Variants in CYP2C8 observed in about 807,000 individuals in gnomAD.
CYP2C8 encodes cytochrome P450 family 2 subfamily C member 8, also known as cytochrome P450 2C8.
Under a neutral mutation model 41.3 loss-of-function variants are expected in CYP2C8, and 51 were observed. The observed-to-expected ratio is 1.24, with a 90% confidence interval of 0.99 to 1.56. CYP2C8 has a LOEUF of 1.56. Ranked by LOEUF, CYP2C8 falls within the 40% of genes most tolerant of loss-of-function variation. The pLI is 0.00. For missense variants in CYP2C8, 651 were observed against 579.9 expected (o/e 1.12, Z -1.26); for synonymous variants, 218 against 205.8 (o/e 1.06, Z -0.51).
chr10:95,060,138 G>A (rs1199290649), intron 4 of CYP2C8, among the ~76,000 whole-genome samples: 8 of 151,590 alleles, frequency 5.3e-5, no homozygotes, highest in African/African-American at 1.5e-4. Context: ...CTCTTTTTTG[G>A]TTCCATATGA....
At chr10:95,049,114 G>C (rs191460090) in intron 5 of CYP2C8, among the ~76,000 whole-genome samples, 211 of 152,066 alleles carry the variant, frequency 1.4e-3, no homozygotes, top group Non-Finnish European at 2.4e-3. Context: ...ACTCAAAACA[G>C]CAAGAAAAAA....
intron 4 of CYP2C8, among the ~76,000 whole-genome samples, chr10:95,059,303 C>G (rs1270994705): frequency 6.6e-6 from 1 of 152,172 alleles, no homozygotes; most frequent in East Asian, 1.9e-4. Flanking sequence ...TCTCCAGAAC[C>G]TGTTGTTTCC....
chr10:95,066,638 A>G (rs1423955133), intron 3 of CYP2C8, among the ~76,000 whole-genome samples: 1 of 152,212 alleles, frequency 6.6e-6, no homozygotes, highest in Non-Finnish European at 1.5e-5. Flanking sequence ...TGAAAACTGT[A>G]CTGAGATATA....
At chr10:95,052,051 G>T (rs1423248944) in intron 5 of CYP2C8, among the ~76,000 whole-genome samples, 1 of 151,974 alleles carries the variant, frequency 6.6e-6, no homozygotes, top group Non-Finnish European at 1.5e-5. Context: ...ATTAAAGAAA[G>T]CTGACAAACC....
chr10:95,062,469 C>T (rs868349517), intron 4 of CYP2C8, among the ~76,000 whole-genome samples: 17 of 152,132 alleles, frequency 1.1e-4, no homozygotes, highest in Middle Eastern at 3.4e-3. Flanking sequence ...CAACCCCTGC[C>T]TTTTTTTGTT....
intron 5 of CYP2C8, among the ~76,000 whole-genome samples, chr10:95,055,517 C>G (rs1477365201): frequency 1.5e-5 from 2 of 133,742 alleles, no homozygotes; most frequent in Non-Finnish European, 3.2e-5. Flanking sequence ...TAAAACTATA[C>G]AATTCTTAGA....
At chr10:95,055,588 C>G (rs985873804) in intron 5 of CYP2C8, among the ~76,000 whole-genome samples, 1 of 151,980 alleles carries the variant, frequency 6.6e-6, no homozygotes. Context: ...AGATTTGACA[C>G]CAAAACAACT....
chr10:95,041,787 CAAAAAAAAAAAA>C (rs60326519), intron 7 of CYP2C8, among the ~76,000 whole-genome samples: 3 of 83,160 alleles, frequency 3.6e-5, no homozygotes, highest in Admixed American at 1.4e-4. Context: ...GACTCCGTCT[CAAAAAAAAAAAA>C]AAAAAAAAAA....
rs2032940187 is a variant in CYP2C8 at position 95,038,887 on chromosome 10, T to C, written c.1291+10A>G. The C allele has an allele frequency of 6.2e-7, 1 of 1,613,346 alleles. No individual in the cohort carries two copies. The highest frequency in any genetic ancestry group is 1.3e-5 in the African/African-American group (1 of 74,850). ...TCCTTTAAATACAAATGGAAACGAG[T>C]TTCTATTACCTGCTGAGAAAGGCAT... On this transcript the variant is annotated intron_variant, in intron 8 of 8. Transcript: ENST00000371270.
chr10:95,043,866 A>G (rs2033057490), intron 6 of CYP2C8, among the ~76,000 whole-genome samples: 1 of 136,878 alleles, frequency 7.3e-6, no homozygotes, highest in Non-Finnish European at 1.6e-5. Context: ...TCACAGAAGC[A>G]CACACACACA....
At chr10:95,066,636 G>T (rs906720735) in intron 3 of CYP2C8, among the ~76,000 whole-genome samples, 7 of 152,122 alleles carry the variant, frequency 4.6e-5, no homozygotes, top group African/African-American at 1.7e-4. Context: ...GATGAAAACT[G>T]TACTGAGATA....
chr10:95,046,496 T>C (rs2033111700), intron 5 of CYP2C8, among the ~76,000 whole-genome samples: 1 of 152,128 alleles, frequency 6.6e-6, no homozygotes, highest in Non-Finnish European at 1.5e-5. Flanking sequence ...AATAACAACA[T>C]GAGTATATTT....
chr10:95,055,328 C>T (rs764371503), intron 5 of CYP2C8, among the ~76,000 whole-genome samples: 2 of 151,688 alleles, frequency 1.3e-5, no homozygotes, highest in Non-Finnish European at 2.9e-5. Flanking sequence ...AACAAATGTA[C>T]CAAGATCATT....
intron 5 of CYP2C8, among the ~76,000 whole-genome samples, chr10:95,049,141 T>C (rs2033165735): frequency 6.6e-6 from 1 of 152,068 alleles, no homozygotes; most frequent in African/African-American, 2.4e-5. Flanking sequence ...ATAATCCCAT[T>C]AGAAAGTGGG....
At chr10:95,045,984 T>C in intron 5 of CYP2C8, 33 bp from the exon 6 acceptor site, 1 of 1,612,614 alleles carries the variant, frequency 6.2e-7, no homozygotes, top group Non-Finnish European at 8.5e-7. Context: ...ATCTGACAAA[T>C]TATGTGCCAG....
chr10:95,059,004 T>C (rs532315009), intron 4 of CYP2C8, among the ~76,000 whole-genome samples: 90 of 152,200 alleles, frequency 5.9e-4, no homozygotes, highest in Non-Finnish European at 9.9e-4. Flanking sequence ...ATAGATTCCA[T>C]GGTGTCTATG....
rs374502349 is a variant in CYP2C8 at position 95,064,836 on chromosome 10, A to T, written c.606T>A (p.Asn202Lys). ...QNFLTLMKRFNENFRILNSPW... is the reference protein window; with the variant it reads ...QNFLTLMKRFKENFRILNSPW... ...GGGAGTTCAGAATCCTGAAGTTTTC[A>T]TTGAATCTTTTCATCAGGGTGAGAA... The change falls in exon 4 of 9, where the codon AAT becomes AAA. Residue 202 changes from asparagine to lysine, a missense_variant. Transcript: ENST00000371270. 1 of 1,614,094 alleles carries T rather than the reference A, an allele frequency of 6.2e-7. No homozygotes were observed. The highest frequency in any genetic ancestry group is 8.5e-7 in the Non-Finnish European group (1 of 1,179,990).
In CYP2C8 at chr10:95,039,089, G is replaced by A. The variant is rs541579109; in HGVS notation, c.1150-51C>T. ...GATTTATAAAGAAGTCCAGAAGTGA[G>A]GAGAAGTAGTGGACATCACGTAGCG... On this transcript the variant is annotated intron_variant, in intron 7 of 8. Transcript: ENST00000371270. 2.6e-5 allele frequency: 40 copies of A among 1,547,338 alleles called. 1 individual carries two copies. In the South Asian group the frequency reaches 4.0e-4, roughly 16 times the overall value.
intron 5 of CYP2C8, among the ~76,000 whole-genome samples, chr10:95,053,389 C>T (rs1296478682): frequency 6.6e-6 from 1 of 152,072 alleles, no homozygotes; most frequent in Non-Finnish European, 1.5e-5. Context: ...CCAGAAATAC[C>T]ATTTGACCCA....
Sources: allele counts gnomAD v4.1 joint callset (sites outside exome capture counted in the v4.1 genomes callset), GRCh38; gene constraint gnomAD v4.1.1; transcripts MANE v1.5; gene names NCBI Gene and HGNC (gene_info 2026-07-23, HGNC 2026-07-21).